DHRS11: variants seen among roughly 807,000 people sequenced by gnomAD.
The protein encoded by DHRS11 is dehydrogenase/reductase 11, also known as dehydrogenase/reductase SDR family member 11.
In DHRS11, 18 loss-of-function variants were observed where a neutral mutation model predicts 30.7. The observed-to-expected ratio is 0.59, with a 90% CI of 0.41 to 0.87. DHRS11 has a LOEUF of 0.87. Ranked by LOEUF, DHRS11 falls within the 40% of genes least tolerant of loss-of-function variation. DHRS11 has a pLI of 0.00. For synonymous variants in DHRS11, 123 were observed against 139.6 expected (o/e 0.88, Z 0.84); for missense variants, 300 against 349.0 (o/e 0.86, Z 1.12).
chr17:36,594,838 C>T, intron 1 of DHRS11, 133 bp from the exon 2 acceptor site: 3 of 867,154 alleles, frequency 3.5e-6, no homozygotes, highest in Non-Finnish European at 5.5e-6. Flanking sequence ...GGCAGTCCAA[C>T]ATCTTCGTGG....
chr17:36,595,188 C>T lies in DHRS11; in HGVS notation c.357+8C>T. 1 of 1,612,752 alleles carries T rather than the reference C, an allele frequency of 6.2e-7. No individual in the cohort carries two copies. The highest frequency in any genetic ancestry group is 8.5e-7 in the Non-Finnish European group (1 of 1,179,984). ...TGGAAGGACATGTTCAATGTAAGAG[C>T]TCCAAGCCTCCATCTTCCAGGTGGA... is the stretch of plus-strand genomic sequence containing the variant. On this transcript the variant is annotated splice_region_variant and intron_variant, in intron 2 of 6. Coordinates refer to ENST00000618403, the MANE Select transcript of DHRS11 (RefSeq NM_024308.4).
chr17:36,592,445 C>T lies in DHRS11; in HGVS notation c.147+289C>T, dbSNP rs1391267012. Reference sequence around the variant, plus strand: ...AGCCGGAGGTCGGGGGTGGTGGTCTCGCCCCTGTGGCCTTCTCGCCCCCGG... The same window carrying T: ...AGCCGGAGGTCGGGGGTGGTGGTCTTGCCCCTGTGGCCTTCTCGCCCCCGG... On this transcript the variant is annotated intron_variant, in intron 1 of 6. Coordinates refer to ENST00000618403, the MANE Select transcript of DHRS11 (RefSeq NM_024308.4). This position sits in a 1 kb window ranked among gnomAD's most constrained non-coding sequence, Gnocchi z 4.4. Among the ~76,000 whole-genome samples the T allele has an allele frequency of 6.6e-6, 1 of 152,204 alleles. No individual in the cohort carries two copies. Among genetic ancestry groups the T allele is most frequent in the African/African-American group, 2.4e-5 (1 of 41,464 alleles).
At chr17:36,595,984 C>T (rs918376600) in intron 2 of DHRS11, among the ~76,000 whole-genome samples, 2 of 152,120 alleles carry the variant, frequency 1.3e-5, no homozygotes, top group African/African-American at 4.8e-5. Context: ...GATGAACACA[C>T]CTCTATCATC....
In DHRS11 at chr17:36,595,002, A is replaced by C. The variant is rs758155096; in HGVS notation, c.179A>C (p.Tyr60Ser). The C allele has an allele frequency of 1.2e-5, 19 of 1,614,146 alleles. No homozygotes were observed. In the Admixed American group the frequency reaches 2.8e-4, roughly 24 times the overall value. The part of the protein sequence containing the change: ...ELAAECKSAG[Y>S]PGTLIPYRCD... Reference sequence around the variant, plus strand: ...GCTGCTGAATGTAAGAGTGCAGGCTACCCCGGGACTTTGATCCCCTACAGA... The same window carrying C: ...GCTGCTGAATGTAAGAGTGCAGGCTCCCCCGGGACTTTGATCCCCTACAGA... Residue 60 changes from tyrosine (Y) to serine (S), a missense_variant, in exon 2 of 7, where the codon TAC (tyrosine) becomes TCC (serine). Transcript: ENST00000618403.
At chr17:36,598,772 T>A (rs1432542035) in intron 3 of DHRS11, 149 bp from the exon 4 acceptor site, 2 of 1,015,812 alleles carry the variant, frequency 2.0e-6, no homozygotes, top group South Asian at 1.7e-5. Flanking sequence ...AAAATTAGAT[T>A]AGTGAGCTGT....
rs2074828223 is a variant in DHRS11, at chr17:36,598,321, C to G, written c.452+64C>G. On this transcript the variant is annotated intron_variant, in intron 3 of 6. Transcript: ENST00000618403. ...GGCTGGGTAATGTGCTGCAGCTCACCTGACCTCTTTGGACCTCAGTTTCCT... is the reference window on the plus strand; with the variant it reads ...GGCTGGGTAATGTGCTGCAGCTCACGTGACCTCTTTGGACCTCAGTTTCCT... 1.3e-5 allele frequency: 20 copies of G among 1,497,552 alleles called. No homozygotes were observed. The South Asian group carries it at 2.2e-4, about 16-fold the overall frequency. 92.8% of individuals were successfully genotyped at this position (1,497,552 alleles called of 1,614,324 possible).
At chr17:36,599,790 A>C in intron 5 of DHRS11, 27 bp downstream of exon 5, 1 of 1,613,332 alleles carries the variant, frequency 6.2e-7, no homozygotes, top group Non-Finnish European at 8.5e-7. Flanking sequence ...AGCCTGGTGA[A>C]GCCACTGACT....
chr17:36,596,713 C>T (rs921586187), intron 2 of DHRS11: 4 of 463,790 alleles, frequency 8.6e-6, no homozygotes, highest in African/African-American at 2.0e-5. Flanking sequence ...GGGTTTTCAA[C>T]TTCTGGATGG....
Position 36,592,064 on chromosome 17 carries a change from G to A in DHRS11, c.55G>A (p.Ala19Thr), listed in dbSNP as rs537212851. 1.1e-5 allele frequency: 14 copies of A among 1,237,568 alleles called. No individual in the cohort carries two copies. Among genetic ancestry groups the A allele is most frequent in the African/African-American group, 1.5e-5 (1 of 64,636 alleles). The allele number at this position is 1,237,568 out of a possible 1,614,324, so 76.7% of individuals were successfully genotyped here. A position where few individuals can be genotyped will look rare whatever the true frequency, so the allele number is the denominator to read the frequency against. Residue 19 changes from alanine to threonine, a missense_variant, in exon 1 of 7, where the codon GCC becomes ACC. By Grantham distance (58) the Ala-to-Thr change is moderately conservative. Transcript: ENST00000618403. This position sits in a 1 kb window ranked among gnomAD's most constrained non-coding sequence, Gnocchi z 4.4. Reference protein sequence around the residue: ...WRDRLALVTGASGGIGAAVAR... With the variant: ...WRDRLALVTGTSGGIGAAVAR... ...CGACCGGCTGGCGCTGGTGACGGGG[G>A]CCTCGGGGGGCATCGGCGCGGCCGT...
At chr17:36,597,954 CT>C in intron 2 of DHRS11, 1 of 603,690 alleles carries the variant, frequency 1.7e-6, no homozygotes, top group East Asian at 2.8e-5. Context: ...GAGGAGCTAC[CT>C]CTGTTATCAA....
In DHRS11 at chr17:36,591,880, G is replaced by C; in HGVS notation, c.-130G>C. Reference sequence around the variant, plus strand: ...TGGAGTCCCGGCCGGAGGCAGGCCGGGACTCTGGTGGGTCTAGGCGCGGAT... The same window carrying C: ...TGGAGTCCCGGCCGGAGGCAGGCCGCGACTCTGGTGGGTCTAGGCGCGGAT... On this transcript the variant is annotated 5_prime_UTR_variant, in exon 1 of 7. Transcript: ENST00000618403. 1 of 994,424 alleles carries C rather than the reference G, an allele frequency of 1.0e-6. No individual in the cohort carries two copies. The highest frequency in any genetic ancestry group is 1.3e-6 in the Non-Finnish European group (1 of 777,976). The allele number at this position is 994,424 out of a possible 1,614,324, so 61.6% of individuals were successfully genotyped here. A position where few individuals can be genotyped will look rare whatever the true frequency, so the allele number is the denominator to read the frequency against.
intron 2 of DHRS11, 113 bp from the exon 3 acceptor site, chr17:36,598,049 TG>T: frequency 9.5e-7 from 1 of 1,057,856 alleles, no homozygotes; most frequent in Non-Finnish European, 1.5e-6. Context: ...CGGGGGGACC[TG>T]GACACTGTTT....
intron 2 of DHRS11, chr17:36,596,851 T>C: frequency 2.1e-6 from 1 of 470,928 alleles, no homozygotes; most frequent in South Asian, 1.5e-5. Flanking sequence ...TCACAGATGC[T>C]TGGGCCTGGA....
intron 2 of DHRS11, chr17:36,596,384 T>G (rs1451638272): frequency 6.3e-6 from 1 of 157,520 alleles, no homozygotes; most frequent in Non-Finnish European, 1.4e-5. Context: ...ATGGTCTGTA[T>G]CGCCTAACCT....
At chr17:36,596,831 A>T (rs1391877066) in intron 2 of DHRS11, 1 of 470,772 alleles carries the variant, frequency 2.1e-6, no homozygotes, top group Non-Finnish European at 4.4e-6. Context: ...CTGACAGTAG[A>T]CTTAGCACCT....
chr17:36,598,404 A>T, intron 3 of DHRS11, 147 bp downstream of exon 3: 1 of 766,604 alleles, frequency 1.3e-6, no homozygotes, highest in East Asian at 2.8e-5. Context: ...GGGAAAGAAT[A>T]ATGTTGTCAA....
intron 2 of DHRS11, 37 bp from the exon 3 acceptor site, chr17:36,598,126 G>A (rs779374184): frequency 1.5e-5 from 24 of 1,605,168 alleles, no homozygotes; most frequent in African/African-American, 8.0e-5. Flanking sequence ...CAGTTGGGCC[G>A]GAGTGGAGAC....
Position 36,595,152 on chromosome 17 carries a change from G to C in DHRS11, c.329G>C (p.Ser110Thr), listed in dbSNP as rs1367299410. ...LARPDTLLSG[S>T]TSGWKDMFNV... is the part of the protein sequence containing the mutation. ...CGGCCTGACACCCTGCTCTCAGGCA[G>C]CACCAGTGGTTGGAAGGACATGTTC... The change falls in exon 2 of 7, where the codon AGC becomes ACC. Residue 110 changes from serine to threonine, a missense_variant. By Grantham distance (58) the Ser-to-Thr change is moderately conservative (BLOSUM62 1). Transcript: ENST00000618403. 6.2e-7 allele frequency: 1 copy of C among 1,613,880 alleles called. No homozygotes were observed. Among genetic ancestry groups the C allele is most frequent in the Non-Finnish European group, 8.5e-7 (1 of 1,180,040 alleles).
rs373848471 is a variant in DHRS11, at chr17:36,600,339, A to G, written c.*136A>G. ...GACCAGGGGCTAGAAAATTTGTTTG[A>G]GATTTTTATATCATCTTGTCAAATT... is the stretch of plus-strand genomic sequence containing the variant. On this transcript the variant is annotated 3_prime_UTR_variant, in exon 7 of 7. Coordinates refer to ENST00000618403, the MANE Select transcript of DHRS11 (RefSeq NM_024308.4). The G allele has an allele frequency of 1.0e-6, 1 of 963,390 alleles. No individual in the cohort carries two copies. Among genetic ancestry groups the G allele is most frequent in the Non-Finnish European group, 1.6e-6 (1 of 642,720 alleles). The allele number at this position is 963,390 out of a possible 1,614,324, so 59.7% of individuals were successfully genotyped here.
Sources: gnomAD v4.1 joint callset for allele counts (sites outside exome capture counted in the v4.1 genomes callset) on GRCh38, gnomAD v4.1.1 for gene constraint, Gnocchi (gnomAD v3.1) non-coding constraint, MANE v1.5 for transcripts, NCBI Gene and HGNC (gene_info 2026-07-23, HGNC 2026-07-21) for gene names.